Variants in EPB41L2 observed in about 807,000 individuals in gnomAD.
EPB41L2 encodes the protein erythrocyte membrane protein band 4.1 like 2.
Under a neutral mutation model 113.0 loss-of-function variants are expected in EPB41L2, and 43 were observed. That is an observed-to-expected ratio of 0.38 (90% confidence interval 0.30 to 0.49). EPB41L2 has a LOEUF of 0.49. Ranked by LOEUF, EPB41L2 falls within the 20% of genes least tolerant of loss-of-function variation. The pLI is 0.95. For synonymous variants in EPB41L2, 442 were observed against 436.7 expected (o/e 1.01, Z -0.15); for missense variants, 1,147 against 1,223.4 (o/e 0.94, Z 0.93).
At chr6:130,893,232 C>G (rs934230494) in intron 10 of EPB41L2, among the ~76,000 whole-genome samples, 2 of 152,048 alleles carry the variant, frequency 1.3e-5, no homozygotes, top group Non-Finnish European at 2.9e-5. Flanking sequence ...TAAAGGTACC[C>G]ACTAGGGAAC....
chr6:130,936,925 C>T (rs953962689), intron 3 of EPB41L2, among the ~76,000 whole-genome samples: 4 of 152,208 alleles, frequency 2.6e-5, no homozygotes, highest in Non-Finnish European at 4.4e-5. Flanking sequence ...GCATCAGACC[C>T]GCTGAATTAG....
At position 130,944,911 on chromosome 6, in the gene EPB41L2, A is replaced by G. The variant is rs529362216; in HGVS notation, c.705+10194T>C. On this transcript the variant is annotated intron_variant, in intron 3 of 19. Coordinates refer to ENST00000337057, the MANE Select transcript of EPB41L2 (RefSeq NM_001431.4). ...CCTTGTGTTCTTCAAGCTGGACCAA[A>G]ATATTCTATCACTTACATGGCACGG... 7.2e-5 allele frequency among the ~76,000 whole-genome samples: 11 copies of G among 152,322 alleles called. No individual in the cohort carries two copies. The South Asian group carries it at 2.3e-3, about 32-fold the overall frequency.
chr6:130,903,597 T>C (rs1286817885), intron 6 of EPB41L2, among the ~76,000 whole-genome samples: 2 of 152,056 alleles, frequency 1.3e-5, no homozygotes, highest in Non-Finnish European at 2.9e-5. Flanking sequence ...TCTAGTTTTC[T>C]AAAAGTCATG....
intron 19 of EPB41L2, among the ~76,000 whole-genome samples, chr6:130,856,320 T>C (rs1318591921): frequency 6.6e-6 from 1 of 152,056 alleles, no homozygotes; most frequent in Non-Finnish European, 1.5e-5. Context: ...ACATATAAAA[T>C]TGACAAAGGA....
chr6:131,016,618 C>T (rs1788282622), intron 1 of EPB41L2, among the ~76,000 whole-genome samples: 1 of 151,884 alleles, frequency 6.6e-6, no homozygotes, highest in Admixed American at 6.6e-5. Flanking sequence ...ACAAGGGGGT[C>T]AGAAAATCTG....
chr6:131,025,257 C>T (rs532266242), intron 1 of EPB41L2, among the ~76,000 whole-genome samples: 1 of 152,158 alleles, frequency 6.6e-6, no homozygotes, highest in African/African-American at 2.4e-5. Flanking sequence ...GTTTTGAAGG[C>T]TAAATGAGAT....
At chr6:131,020,786 T>C (rs1217398606) in intron 1 of EPB41L2, among the ~76,000 whole-genome samples, 2 of 150,680 alleles carry the variant, frequency 1.3e-5, no homozygotes, top group African/African-American at 4.8e-5. Flanking sequence ...GTAATGCTCT[T>C]GGAACAATTT....
intron 8 of EPB41L2, among the ~76,000 whole-genome samples, chr6:130,897,214 CTCT>C (rs892148050): frequency 1.3e-5 from 2 of 151,702 alleles, no homozygotes; most frequent in Non-Finnish European, 2.9e-5. Context: ...ACATTACAAA[CTCT>C]TCTAATTAAA....
chr6:130,943,045 T>C (rs1483030906), intron 3 of EPB41L2, among the ~76,000 whole-genome samples: 1 of 152,224 alleles, frequency 6.6e-6, no homozygotes, highest in Non-Finnish European at 1.5e-5. Flanking sequence ...TGAATAGTGC[T>C]GCAATAAACA....
At chr6:130,936,791 G>A (rs758411675) in intron 3 of EPB41L2, among the ~76,000 whole-genome samples, 6 of 152,006 alleles carry the variant, frequency 3.9e-5, no homozygotes, top group Non-Finnish European at 8.8e-5. Flanking sequence ...TTCAGCTATC[G>A]ATTAGTTAGC....
intron 9 of EPB41L2, among the ~76,000 whole-genome samples, chr6:130,894,743 C>T (rs1307403098): frequency 3.9e-5 from 6 of 152,138 alleles, no homozygotes; most frequent in Non-Finnish European, 2.9e-5. Context: ...GAGCCCACAC[C>T]TTATCACATT....
chr6:130,957,752 T>C (rs372840776), intron 1 of EPB41L2, among the ~76,000 whole-genome samples: 21 of 152,318 alleles, frequency 1.4e-4, no homozygotes, highest in African/African-American at 4.8e-4. Context: ...TTTCACCCTC[T>C]TAAAGTATAC....
chr6:130,870,033 CTT>C lies in EPB41L2; in HGVS notation c.2135_2136del (p.Lys712ArgfsTer13). 1 of 1,614,046 alleles carries C rather than the reference CTT, an allele frequency of 6.2e-7. No homozygotes were observed. Among genetic ancestry groups the C allele is most frequent in the Non-Finnish European group, 8.5e-7 (1 of 1,180,018 alleles). On this transcript the variant is annotated frameshift_variant, in exon 15 of 20. Transcript: ENST00000337057. LOFTEE classifies it high-confidence loss of function. ...ERVITEEMNG[K>X]EISPGSGPGE... ...CCAGGACCACTCCCAGGTGATATCT[CTT>C]TACCATTCATTTCTTCTGTGATTAC... is the stretch of plus-strand genomic sequence containing the variant.
In EPB41L2 at chr6:130,869,689, C is replaced by A. The variant is rs768089187; in HGVS notation, c.2481G>T (p.Lys827Asn). The A allele has an allele frequency of 6.2e-7, 1 of 1,614,164 alleles. No individual in the cohort carries two copies. The highest frequency in any genetic ancestry group is 8.5e-7 in the Non-Finnish European group (1 of 1,180,032). ...GCTTAAGAGCGCCTTCGTGTACACT[C>A]TTCTCTCCGGGTATCTTTTGGGCAC... ...NVGAQKIPGE[K>N]SVHEGALKQD... is the part of the protein sequence containing the mutation. The change falls in exon 15 of 20, where the codon AAG (lysine) becomes AAT (asparagine). Residue 827 changes from lysine to asparagine, a missense_variant. Physicochemically the swap from Lys to Asn is moderately conservative, Grantham distance 94 (BLOSUM62 0). Transcript: ENST00000337057.
At chr6:130,947,082 C>T (rs1813171933) in intron 3 of EPB41L2, among the ~76,000 whole-genome samples, 1 of 137,442 alleles carries the variant, frequency 7.3e-6, no homozygotes, top group African/African-American at 2.9e-5. Context: ...AAAATCTAAA[C>T]AGCGCCCTTG....
At chr6:130,943,981 T>C (rs1348538625) in intron 3 of EPB41L2, among the ~76,000 whole-genome samples, 1 of 152,194 alleles carries the variant, frequency 6.6e-6, no homozygotes, top group East Asian at 1.9e-4. Flanking sequence ...AACTTCTATA[T>C]GGCTCTCATG....
chr6:130,848,199 TCACACA>T (rs66469665), intron 19 of EPB41L2, among the ~76,000 whole-genome samples: 1,926 of 113,436 alleles, frequency 0.017, 27 homozygotes, highest in African/African-American at 0.033. Flanking sequence ...TCTCTCTCTC[TCACACA>T]CACACACACA....
At chr6:131,033,833 A>G (rs1792734889) in intron 1 of EPB41L2, among the ~76,000 whole-genome samples, 1 of 152,256 alleles carries the variant, frequency 6.6e-6, no homozygotes, top group Non-Finnish European at 1.5e-5. Context: ...TGTGTTTGTG[A>G]TGATGAAAAA....
chr6:131,021,841 G>A (rs750158840), intron 1 of EPB41L2, among the ~76,000 whole-genome samples: 9 of 152,168 alleles, frequency 5.9e-5, no homozygotes, highest in Non-Finnish European at 8.8e-5. Flanking sequence ...AACCCAGACA[G>A]TCAAGCTCCA....
Sources: gnomAD v4.1 joint callset for allele counts (sites outside exome capture counted in the v4.1 genomes callset) on GRCh38, gnomAD v4.1.1 for gene constraint, MANE v1.5 for transcripts, NCBI Gene and HGNC (gene_info 2026-07-23, HGNC 2026-07-21) for gene names.